The following NKIRAS1 variants were observed in gnomAD, a reference collection of about 807,000 sequenced individuals.
NKIRAS1 encodes NFKB inhibitor interacting Ras like 1.
NKIRAS1 carries 16 observed loss-of-function variants against 19.8 expected under a neutral mutation model. The ratio of observed to expected loss-of-function variants is 0.81; its 90% CI spans 0.55 to 1.23. NKIRAS1 has a LOEUF of 1.23. NKIRAS1 is among the 50% of genes most tolerant of loss of function. The probability of loss-of-function intolerance (pLI) is 0.00; values close to 1 mark genes in which losing one functional copy is unlikely to be tolerated. For missense variants in NKIRAS1, 184 were observed against 220.0 expected, an observed-to-expected ratio of 0.84 and a Z score of 1.04; for synonymous variants, 88 against 79.0, an observed-to-expected ratio of 1.11 and a Z score of -0.61.
chr3:23,938,409 A>T (rs1294122341), intron 1 of NKIRAS1, among the ~76,000 whole-genome samples: 1 of 151,838 alleles, frequency 6.6e-6, no homozygotes, highest in Non-Finnish European at 1.5e-5. Flanking sequence ...GGGGGGTCTC[A>T]CTATGTTCCC....
chr3:23,946,122 C>T (rs1022647520), intron 1 of NKIRAS1: 2 of 984,914 alleles, frequency 2.0e-6, no homozygotes, highest in Non-Finnish European at 2.4e-6. Flanking sequence ...GCCGCGATTC[C>T]CTCCTCCCCC....
At chr3:23,909,864 G>GTTTTT (rs201671440) in intron 3 of NKIRAS1, among the ~76,000 whole-genome samples, 2 of 135,556 alleles carry the variant, frequency 1.5e-5, no homozygotes, top group African/African-American at 2.7e-5. Context: ...GTTTTTTTTT[G>GTTTTT]TTTTTTTTTT....
Position 23,926,267 on chromosome 3 carries a change from G to A in NKIRAS1, c.-139-14817C>T, listed in dbSNP as rs537638872. Among the ~76,000 whole-genome samples, 1 of 152,284 alleles carries A rather than the reference G, an allele frequency of 6.6e-6. No individual in the cohort carries two copies. The highest frequency in any genetic ancestry group is 2.4e-5 in the African/African-American group (1 of 41,542). ...GGGTTTCGCCGTGTTGGCCAGGCTG[G>A]TCTCAAACGCCTGACCTTAGGTGAT... On this transcript the variant is annotated intron_variant, in intron 1 of 4. Transcript: ENST00000421515. The surrounding 1 kb of genome is among the most constrained non-coding windows in gnomAD (Gnocchi z 4.3).
In NKIRAS1 at chr3:23,922,059, C is replaced by G. The variant is rs1279496077; in HGVS notation, c.-139-10609G>C. 6.4e-6 allele frequency: 1 copy of G among 156,138 alleles called. No homozygotes were observed. Among genetic ancestry groups the G allele is most frequent in the African/African-American group, 2.4e-5 (1 of 41,474 alleles). The allele number at this position is 156,138 out of a possible 1,614,324, so 9.7% of individuals were successfully genotyped here. A position where few individuals can be genotyped will look rare whatever the true frequency, so the allele number is the denominator to read the frequency against. ...GGCTGGGTGCGGTGGCTCACGCCTG[C>G]AATCCCAACACTTTCGGTAACCAAG... is the stretch of plus-strand genomic sequence containing the variant. On this transcript the variant is annotated intron_variant, in intron 1 of 4. Transcript: ENST00000421515. This position sits in a 1 kb window ranked among gnomAD's most constrained non-coding sequence, Gnocchi z 4.2.
chr3:23,899,161 G>GTTAA (rs1215726893), intron 4 of NKIRAS1, among the ~76,000 whole-genome samples: 1 of 152,150 alleles, frequency 6.6e-6, no homozygotes, highest in Non-Finnish European at 1.5e-5. Flanking sequence ...GTTACCAAGG[G>GTTAA]TTAAGGTGGG....
intron 1 of NKIRAS1, among the ~76,000 whole-genome samples, chr3:23,912,338 T>G (rs1242383064): frequency 1.3e-5 from 2 of 151,752 alleles, no homozygotes; most frequent in Admixed American, 6.6e-5. Context: ...TTAAAAAAAT[T>G]TATAAGAAAA....
rs181623975 is a variant in NKIRAS1 at position 23,898,019 on chromosome 3, C to T, written c.336+2789G>A. On this transcript the variant is annotated intron_variant, in intron 4 of 4. Coordinates refer to ENST00000425478, the MANE Select transcript of NKIRAS1 (RefSeq NM_020345.4). ...CCTTTTACAGATAAGGAAACTGAAG[C>T]AGAAAAGCTGAGAAGCAAAGCCAAG... Among the ~76,000 whole-genome samples the T allele has an allele frequency of 4.1e-4, 62 of 152,204 alleles. 1 individual carries two copies. In the East Asian group the frequency reaches 0.011, roughly 27 times the overall value.
intron 1 of NKIRAS1, among the ~76,000 whole-genome samples, chr3:23,928,759 A>G (rs1273889263): frequency 3.3e-5 from 5 of 151,122 alleles, no homozygotes; most frequent in African/African-American, 1.2e-4. Flanking sequence ...TGGGAGGCCG[A>G]GAAGGGTGGA....
chr3:23,895,190 T>C (rs887012745), intron 4 of NKIRAS1, among the ~76,000 whole-genome samples: 19 of 152,318 alleles, frequency 1.2e-4, no homozygotes, highest in Admixed American at 1.2e-3. Flanking sequence ...ATTTTTTTAA[T>C]TTTTAGAGAT....
chr3:23,928,353 A>G (rs1395878864), intron 1 of NKIRAS1, among the ~76,000 whole-genome samples: 3 of 151,848 alleles, frequency 2.0e-5, no homozygotes, highest in Non-Finnish European at 4.4e-5. Context: ...TTTGAATACC[A>G]TTAGTGCTTA....
At chr3:23,917,928 G>A, upstream of NKIRAS1, 1 of 1,613,832 alleles carries the variant, frequency 6.2e-7, no homozygotes, top group Non-Finnish European at 8.5e-7. Context: ...GCTTTCTTCT[G>A]AGGGTCCGCT....
chr3:23,898,970 T>C (rs1702243758), intron 4 of NKIRAS1, among the ~76,000 whole-genome samples: 1 of 152,182 alleles, frequency 6.6e-6, no homozygotes, highest in Admixed American at 6.5e-5. Flanking sequence ...CATGCTCTTT[T>C]TGAGAATCTA....
intron 1 of NKIRAS1, among the ~76,000 whole-genome samples, chr3:23,914,662 G>A (rs765333902): frequency 2.9e-4 from 44 of 152,276 alleles, no homozygotes; most frequent in Non-Finnish European, 7.4e-5. Flanking sequence ...AAACTAGGGG[G>A]CAAAAACAGA....
intron 4 of NKIRAS1, among the ~76,000 whole-genome samples, chr3:23,896,210 T>C (rs1408804988): frequency 4.0e-5 from 6 of 151,886 alleles, no homozygotes; most frequent in African/African-American, 1.5e-4. Flanking sequence ...CCAAGCCCAT[T>C]TGCTCTGCCT....
chr3:23,908,012 T>A (rs1575090268), intron 3 of NKIRAS1, among the ~76,000 whole-genome samples: 1 of 152,298 alleles, frequency 6.6e-6, no homozygotes, highest in East Asian at 1.9e-4. Context: ...GGAAAGTAAC[T>A]ATGGTAACAG....
rs1701361502 is a variant in NKIRAS1 at position 23,890,310 on chromosome 3, C to CTAAA, written c.*2784_*2785insTTTA. On this transcript the variant is annotated 3_prime_UTR_variant, in exon 5 of 5. Transcript: ENST00000425478. Reference sequence around the variant, plus strand: ...TAAAGACAGACCAGTACACTAAAGCCTAAGCATTCCCTCTTCCCCCAACGT... The same window carrying CTAAA: ...TAAAGACAGACCAGTACACTAAAGCCTAAATAAGCATTCCCTCTTCCCCCAACGT... Among the ~76,000 whole-genome samples the CTAAA allele has an allele frequency of 6.6e-6, 1 of 152,146 alleles. No individual in the cohort carries two copies. The highest frequency in any genetic ancestry group is 1.5e-5 in the Non-Finnish European group (1 of 68,034).
chr3:23,935,391 A>AAT (rs1284389461), intron 1 of NKIRAS1, among the ~76,000 whole-genome samples: 1 of 150,336 alleles, frequency 6.7e-6, no homozygotes, highest in Non-Finnish European at 1.5e-5. Context: ...AAAAAAAAAA[A>AAT]TTGATCAACG....
intron 1 of NKIRAS1, among the ~76,000 whole-genome samples, chr3:23,939,192 T>C (rs1705449094): frequency 6.6e-6 from 1 of 152,226 alleles, no homozygotes; most frequent in Non-Finnish European, 1.5e-5. Flanking sequence ...GAGGTTTCCT[T>C]AGTTACAAAC....
At chr3:23,909,541 G>A (rs1354391688) in intron 3 of NKIRAS1, among the ~76,000 whole-genome samples, 1 of 151,938 alleles carries the variant, frequency 6.6e-6, no homozygotes, top group Non-Finnish European at 1.5e-5. Flanking sequence ...AAACAGAAAT[G>A]TGCTTTAAGT....
Sources: gnomAD v4.1 joint callset for allele counts (sites outside exome capture counted in the v4.1 genomes callset) on GRCh38, gnomAD v4.1.1 for gene constraint, Gnocchi (gnomAD v3.1) non-coding constraint, MANE v1.5 for transcripts, NCBI Gene and HGNC (gene_info 2026-07-23, HGNC 2026-07-21) for gene names.